PBX1: variants seen among roughly 807,000 people sequenced by gnomAD.
PBX1 encodes pre-B-cell leukemia transcription factor 1.
PBX1 carries 6 observed loss-of-function variants against 53.4 expected under a neutral mutation model. The observed-to-expected ratio is 0.11, with a 90% CI of 0.06 to 0.22. PBX1 has a LOEUF of 0.22. Among genes scored for constraint, PBX1 ranks in the 10% least tolerant of loss-of-function variants. The probability of loss-of-function intolerance (pLI) is 1.00; values close to 1 mark genes in which losing one functional copy is unlikely to be tolerated. For missense variants in PBX1, 251 were observed against 551.4 expected, an observed-to-expected ratio of 0.46 and a Z score of 5.46; for synonymous variants, 204 against 212.3, an observed-to-expected ratio of 0.96 and a Z score of 0.34.
intron 2 of PBX1, among the ~76,000 whole-genome samples, chr1:164,881,736 T>TA (rs1216499720): frequency 2.0e-5 from 3 of 152,180 alleles, no homozygotes; most frequent in Non-Finnish European, 1.5e-5. Flanking sequence ...GGCTACTGTG[T>TA]GCTGTCTTGG....
At chr1:164,672,745 G>A (rs990993083) in intron 2 of PBX1, among the ~76,000 whole-genome samples, 5 of 152,102 alleles carry the variant, frequency 3.3e-5, no homozygotes, top group East Asian at 1.9e-4. Context: ...CTGATTATTC[G>A]CAACTGTGTG....
In PBX1 at chr1:164,658,903, G is replaced by A. The variant is rs148343994; in HGVS notation, c.265+95592G>A. ...TGAGGAAAGAAAAGACAGAGAGGTT[G>A]AGTAACTTGCCCTGGTGGATACAGT... On this transcript the variant is annotated intron_variant, in intron 2 of 8. Coordinates refer to ENST00000420696, the MANE Select transcript of PBX1 (RefSeq NM_002585.4). Among the ~76,000 whole-genome samples the A allele has an allele frequency of 3.1e-3, 465 of 152,320 alleles. 2 individuals carry two copies. Among genetic ancestry groups the A allele is most frequent in the African/African-American group, 0.011 (452 of 41,578 alleles).
At chr1:164,652,545 T>C (rs562433925) in intron 2 of PBX1, among the ~76,000 whole-genome samples, 1 of 152,234 alleles carries the variant, frequency 6.6e-6, no homozygotes, top group East Asian at 1.9e-4. Context: ...CTCAAGGTAA[T>C]AGAACTAGAA....
In PBX1 at chr1:164,849,197, T is replaced by C. The variant is rs1333207698; in HGVS notation, c.*2521T>C. 2.1e-6 allele frequency: 3 copies of C among 1,439,476 alleles called. No homozygotes were observed. The highest frequency in any genetic ancestry group is 3.0e-5 in the South Asian group (2 of 66,612). 89.2% of individuals were successfully genotyped at this position (1,439,476 alleles called of 1,614,324 possible). On this transcript the variant is annotated 3_prime_UTR_variant, in exon 9 of 9. Coordinates refer to ENST00000420696, the MANE Select transcript of PBX1 (RefSeq NM_002585.4). ...GTGACTCCAGATGTGGCCTGAATAA[T>C]TGCCATGTTAAGTTAATGCAAAAGA...
rs1011504839 is a variant in PBX1, at chr1:164,878,479, G to T, written n.258-20709G>T. Among the ~76,000 whole-genome samples the T allele has an allele frequency of 5.3e-5, 8 of 152,218 alleles. No homozygotes were observed. The East Asian group carries it at 1.5e-3, about 29-fold the overall frequency. On this transcript the variant is annotated intron_variant and non_coding_transcript_variant, in intron 2 of 2. Coordinates refer to the PBX1 transcript ENST00000558796. ...ATATGAATTAGCTTTTTTAATATTT[G>T]CAAGAAGACTGTGAAGTATGCAGTC...
intron 2 of PBX1, among the ~76,000 whole-genome samples, chr1:164,768,832 TC>T (rs1373899025): frequency 6.6e-6 from 1 of 151,570 alleles, no homozygotes; most frequent in East Asian, 2.0e-4. Context: ...GGCAGGCAGA[TC>T]ACTTGAGGCC....
At chr1:164,613,532 C>T (rs528107462) in intron 2 of PBX1, among the ~76,000 whole-genome samples, 2 of 152,254 alleles carry the variant, frequency 1.3e-5, no homozygotes, top group South Asian at 4.1e-4. Flanking sequence ...TGTGAGCCCC[C>T]CTAGCATTGT....
intron 2 of PBX1, among the ~76,000 whole-genome samples, chr1:164,735,669 C>A (rs954783942): frequency 6.6e-6 from 1 of 152,164 alleles, no homozygotes; most frequent in Non-Finnish European, 1.5e-5. Flanking sequence ...CATCAAGGCT[C>A]CCCCTAAGGC....
At chr1:164,801,428 G>A (rs1030352791) in intron 4 of PBX1, among the ~76,000 whole-genome samples, 1 of 150,460 alleles carries the variant, frequency 6.6e-6, no homozygotes, top group Non-Finnish European at 1.5e-5. Flanking sequence ...TGCTGGAGTT[G>A]GTATTTATGT....
At chr1:164,683,371 G>C (rs141220001) in intron 2 of PBX1, 1 of 152,148 alleles carries the variant, frequency 6.6e-6, no homozygotes, top group Admixed American at 6.5e-5. Flanking sequence ...CAAGCCCAGC[G>C]ATTCTTCTAA....
At chr1:164,685,446 C>G (rs557987314) in intron 2 of PBX1, among the ~76,000 whole-genome samples, 11 of 152,338 alleles carry the variant, frequency 7.2e-5, no homozygotes, top group Admixed American at 1.3e-4. Context: ...TTCATGCTTC[C>G]TGTGGTGGAA....
chr1:164,738,999 A>T (rs1017329578), intron 2 of PBX1, among the ~76,000 whole-genome samples: 1 of 152,030 alleles, frequency 6.6e-6, no homozygotes, highest in Non-Finnish European at 1.5e-5. Context: ...AGTTGTTTCT[A>T]GTTGGTGTGA....
intron 2 of PBX1, among the ~76,000 whole-genome samples, chr1:164,577,905 A>G (rs1654364466): frequency 6.6e-6 from 1 of 152,190 alleles, no homozygotes; most frequent in Non-Finnish European, 1.5e-5. Flanking sequence ...ATGTAGGTTG[A>G]GAGTTCTCTT....
chr1:164,823,846 A>G (rs1670287805), intron 8 of PBX1, among the ~76,000 whole-genome samples: 1 of 152,146 alleles, frequency 6.6e-6, no homozygotes, highest in African/African-American at 2.4e-5. Flanking sequence ...GGGTAAATGA[A>G]TCAAAGGCTG....
At chr1:164,793,982 C>T (rs1176829210) in intron 3 of PBX1, among the ~76,000 whole-genome samples, 1 of 146,100 alleles carries the variant, frequency 6.8e-6, no homozygotes, top group Non-Finnish European at 1.5e-5. Context: ...TCAAGCAATT[C>T]TCCTGCCTCA....
intron 2 of PBX1, among the ~76,000 whole-genome samples, chr1:164,573,372 A>T (rs1456469346): frequency 1.3e-5 from 2 of 152,104 alleles, no homozygotes; most frequent in East Asian, 3.8e-4. Context: ...ATACATTGAA[A>T]ATATTTCAAT....
rs577539677 is a variant in PBX1, at chr1:164,814,206, A to G, written c.997+2057A>G. On this transcript the variant is annotated intron_variant, in intron 6 of 8. Transcript: ENST00000420696. The stretch of plus-strand genomic sequence containing the variant: ...ATCCACACAGGTAAAGTAGAACTTT[A>G]AAATGTTCAAACTTTTCACATAAGG... 13 of 152,372 alleles carry G rather than the reference A, an allele frequency of 8.5e-5. No individual in the cohort carries two copies. In the East Asian group the frequency reaches 2.5e-3, roughly 29 times the overall value. The allele number at this position is 152,372 out of a possible 1,614,324, so 9.4% of individuals were successfully genotyped here.
At chr1:164,761,074 A>G (rs558531003) in intron 2 of PBX1, among the ~76,000 whole-genome samples, 10 of 152,298 alleles carry the variant, frequency 6.6e-5, no homozygotes, top group South Asian at 2.1e-4. Flanking sequence ...AATTCTTAGC[A>G]GTGACTGCAT....
intron 3 of PBX1, among the ~76,000 whole-genome samples, chr1:164,795,558 A>C (rs934389592): frequency 1.3e-5 from 2 of 152,232 alleles, no homozygotes; most frequent in African/African-American, 4.8e-5. Context: ...TAAAAGTACT[A>C]AAATATCATC....
Sources: allele counts gnomAD v4.1 joint callset (sites outside exome capture counted in the v4.1 genomes callset), GRCh38; gene constraint gnomAD v4.1.1; transcripts MANE v1.5; gene names NCBI Gene and HGNC (gene_info 2026-07-23, HGNC 2026-07-21).